PHF24: variants seen among roughly 807,000 people sequenced by gnomAD.
PHF24 encodes Galpha inhibitory interacting protein.
In PHF24, 25 loss-of-function variants were observed where a neutral mutation model predicts 42.6. That is an observed-to-expected ratio of 0.59 (90% CI 0.43 to 0.82). The LOEUF (loss-of-function observed/expected upper bound fraction) is 0.82, where lower values mean the gene tolerates loss of function less well. Ranked by LOEUF, PHF24 falls within the 40% of genes least tolerant of loss-of-function variation. The pLI is 0.00. For missense variants in PHF24, 470 were observed against 538.1 expected, an observed-to-expected ratio of 0.87 and a Z score of 1.25; for synonymous variants, 185 against 204.8, an observed-to-expected ratio of 0.90 and a Z score of 0.83.
chr9:34,817,528 T>TAA, the PHF24 span, among the ~76,000 whole-genome samples: 3 of 152,180 alleles, frequency 2.0e-5, no homozygotes, highest in African/African-American at 7.2e-5. Flanking sequence ...CAATCTCTTA[T>TAA]ATCTTCTTTT....
the PHF24 span, among the ~76,000 whole-genome samples, chr9:34,952,351 A>G: frequency 6.6e-6 from 1 of 152,142 alleles, no homozygotes; most frequent in African/African-American, 2.4e-5. Flanking sequence ...ACTATAAAAC[A>G]CCAATAAAAG....
At chr9:34,806,069 T>C in the PHF24 span, among the ~76,000 whole-genome samples, 1 of 152,230 alleles carries the variant, frequency 6.6e-6, no homozygotes, top group African/African-American at 2.4e-5. Flanking sequence ...TCTATTTCAC[T>C]GATGCACATA....
At chr9:34,686,374 A>G in the PHF24 span, among the ~76,000 whole-genome samples, 1 of 152,216 alleles carries the variant, frequency 6.6e-6, no homozygotes, top group South Asian at 2.1e-4. Flanking sequence ...TCAACCACAC[A>G]ACAGAGATAG....
At chr9:34,861,251 A>G in the PHF24 span, among the ~76,000 whole-genome samples, 2 of 152,214 alleles carry the variant, frequency 1.3e-5, no homozygotes, top group Non-Finnish European at 2.9e-5. Context: ...TGCTAGAGTT[A>G]GGAAGTCCAA....
At chr9:34,802,657 G>T in the PHF24 span, among the ~76,000 whole-genome samples, 2 of 152,302 alleles carry the variant, frequency 1.3e-5, no homozygotes, top group South Asian at 2.1e-4. Context: ...TTTGTTGTGA[G>T]GTCACATGAT....
the PHF24 span, among the ~76,000 whole-genome samples, chr9:34,771,501 T>A: frequency 6.6e-6 from 1 of 152,254 alleles, no homozygotes; most frequent in Non-Finnish European, 1.5e-5. Flanking sequence ...TATAGACTCA[T>A]GGAAAATTAC....
At chr9:34,709,153 C>G in the PHF24 span, 1 of 591,472 alleles carries the variant, frequency 1.7e-6, no homozygotes, top group Non-Finnish European at 3.0e-6. Context: ...CTCTCATGCT[C>G]CCTGGGAGAC....
At chr9:34,854,327 T>G in the PHF24 span, among the ~76,000 whole-genome samples, 1 of 151,994 alleles carries the variant, frequency 6.6e-6, no homozygotes, top group Non-Finnish European at 1.5e-5. Flanking sequence ...CTTTGGGATT[T>G]GTTTGCTCTT....
At chr9:34,906,637 C>A in the PHF24 span, among the ~76,000 whole-genome samples, 1 of 134,716 alleles carries the variant, frequency 7.4e-6, no homozygotes, top group Non-Finnish European at 1.6e-5. Flanking sequence ...GAATGAGACT[C>A]CATCTCAAAA....
chr9:34,879,781 A>C, the PHF24 span, among the ~76,000 whole-genome samples: 2 of 152,202 alleles, frequency 1.3e-5, no homozygotes, highest in Admixed American at 6.5e-5. Context: ...ACTCTTCAGG[A>C]TATTATCCAG....
intron 1 of PHF24, among the ~76,000 whole-genome samples, chr9:34,960,778 A>G (rs1826564041): frequency 6.6e-6 from 1 of 152,292 alleles, no homozygotes; most frequent in South Asian, 2.1e-4. Context: ...TAAGATTTCA[A>G]AAATCCTAAG....
the PHF24 span, among the ~76,000 whole-genome samples, chr9:34,916,233 C>G: frequency 2.0e-5 from 3 of 152,262 alleles, no homozygotes; most frequent in Non-Finnish European, 4.4e-5. Context: ...CAAAATCTAT[C>G]ATGAATATGT....
the PHF24 span, among the ~76,000 whole-genome samples, chr9:34,702,958 AAGG>A: frequency 6.6e-6 from 1 of 152,228 alleles, no homozygotes. Flanking sequence ...CCCCAGATAC[AAGG>A]AGAAGTAATG....
At chr9:34,828,951 C>CTATATCTATATCTATATCTATATCTA in the PHF24 span, among the ~76,000 whole-genome samples, 6 of 151,990 alleles carry the variant, frequency 3.9e-5, no homozygotes, top group Admixed American at 1.3e-4. Flanking sequence ...ATATCTATGT[C>CTATATCTATATCTATATCTATATCTA]TGTCTGTCAT....
chr9:34,668,922 G>T, the PHF24 span, among the ~76,000 whole-genome samples: 2 of 152,126 alleles, frequency 1.3e-5, no homozygotes, highest in Non-Finnish European at 2.9e-5. Context: ...GATCCACTGA[G>T]CCAGACTAAG....
At chr9:34,723,624 G>GAA in the PHF24 span, 1 of 1,551,724 alleles carries the variant, frequency 6.4e-7, no homozygotes, top group Non-Finnish European at 8.7e-7. Flanking sequence ...GACTCTGTAA[G>GAA]GCTGGGCTTC....
chr9:34,758,920 C>T, the PHF24 span, among the ~76,000 whole-genome samples: 1 of 152,034 alleles, frequency 6.6e-6, no homozygotes, highest in Non-Finnish European at 1.5e-5. This position sits in a 1 kb window ranked among gnomAD's most constrained non-coding sequence, Gnocchi z 4.4. Flanking sequence ...TAGGCTAACC[C>T]AATCTGGCGA....
chr9:34,957,770 G>A (rs1826411990), upstream of PHF24: 1 of 152,270 alleles, frequency 6.6e-6, no homozygotes, highest in South Asian at 2.1e-4. Context: ...TGCTGGATGA[G>A]TCATTCTCCC....
At chr9:34,817,893 A>C in the PHF24 span, among the ~76,000 whole-genome samples, 1 of 152,320 alleles carries the variant, frequency 6.6e-6, no homozygotes, top group South Asian at 2.1e-4. Flanking sequence ...GTAGGAATCT[A>C]TTTCTGAAAT....
Sources: gnomAD v4.1 joint callset for allele counts (sites outside exome capture counted in the v4.1 genomes callset) on GRCh38, gnomAD v4.1.1 for gene constraint, Gnocchi (gnomAD v3.1) non-coding constraint, MANE v1.5 for transcripts, NCBI Gene and HGNC (gene_info 2026-07-23, HGNC 2026-07-21) for gene names.